The following STAU2 variants were observed in gnomAD, a reference collection of about 807,000 sequenced individuals.
The protein encoded by STAU2 is staufen double-stranded RNA binding protein 2.
In STAU2, 20 loss-of-function variants were observed where a neutral mutation model predicts 65.9. The observed-to-expected ratio is 0.30, with a 90% CI of 0.21 to 0.44. The LOEUF is 0.44. Among genes scored for constraint, STAU2 ranks in the 20% least tolerant of loss-of-function variants. STAU2 has a pLI of 1.00. For synonymous variants in STAU2, 232 were observed against 233.9 expected (o/e 0.99, Z 0.07); for missense variants, 558 against 683.9 (o/e 0.82, Z 2.05).
intron 13 of STAU2, among the ~76,000 whole-genome samples, chr8:73,436,464 T>A (rs963710027): frequency 1.3e-5 from 2 of 151,816 alleles, no homozygotes; most frequent in African/African-American, 4.9e-5. Flanking sequence ...ATTTTTCAGC[T>A]TTTAAAAATA....
chr8:73,505,099 C>G (rs1821987907), intron 13 of STAU2, among the ~76,000 whole-genome samples: 1 of 152,086 alleles, frequency 6.6e-6, no homozygotes, highest in Non-Finnish European at 1.5e-5. Context: ...ACCAAATCAT[C>G]TCTGGAAGAC....
intron 13 of STAU2, among the ~76,000 whole-genome samples, chr8:73,534,452 T>C (rs909269824): frequency 1.3e-5 from 2 of 152,218 alleles, no homozygotes; most frequent in South Asian, 2.1e-4. Flanking sequence ...CTTGATGACA[T>C]GTAAATTATT....
At chr8:73,708,789 A>C (rs1196890861) in intron 4 of STAU2, among the ~76,000 whole-genome samples, 1 of 152,194 alleles carries the variant, frequency 6.6e-6, no homozygotes, top group Non-Finnish European at 1.5e-5. Flanking sequence ...GAAATCAAAA[A>C]TCCATATATC....
chr8:73,553,422 T>C (rs1807483743), intron 12 of STAU2, among the ~76,000 whole-genome samples: 2 of 152,194 alleles, frequency 1.3e-5, no homozygotes, highest in South Asian at 2.1e-4. Flanking sequence ...CCAAATAAAA[T>C]GGTTCCATAA....
chr8:73,675,086 TCAA>T (rs914077514), intron 5 of STAU2, among the ~76,000 whole-genome samples: 5 of 151,476 alleles, frequency 3.3e-5, no homozygotes, highest in African/African-American at 1.2e-4. Context: ...CAAAATTATA[TCAA>T]CTACTCTCTC....
chr8:73,651,812 G>A (rs894298078), intron 6 of STAU2, among the ~76,000 whole-genome samples: 5 of 152,250 alleles, frequency 3.3e-5, no homozygotes, highest in African/African-American at 1.2e-4. Flanking sequence ...TCTGACTCCA[G>A]GCCTCCCATA....
chr8:73,521,304 A>C (rs1042453325), intron 13 of STAU2, among the ~76,000 whole-genome samples: 2 of 152,190 alleles, frequency 1.3e-5, no homozygotes, highest in African/African-American at 4.8e-5. Flanking sequence ...TCCTAGTCAA[A>C]GCATACACAT....
intron 13 of STAU2, among the ~76,000 whole-genome samples, chr8:73,470,138 C>T (rs1819907743): frequency 6.6e-6 from 1 of 152,090 alleles, no homozygotes; most frequent in Non-Finnish European, 1.5e-5. Context: ...CTAGTGAATT[C>T]GCATTTGTTT....
intron 12 of STAU2, among the ~76,000 whole-genome samples, chr8:73,559,649 G>C (rs1455158075): frequency 1.3e-4 from 20 of 152,296 alleles, no homozygotes; most frequent in African/African-American, 4.3e-4. Context: ...TGTCCCTGAA[G>C]GTCAGGGACA....
chr8:73,618,015 TA>T (rs1812963554), intron 6 of STAU2, among the ~76,000 whole-genome samples: 1 of 152,040 alleles, frequency 6.6e-6, no homozygotes, highest in Admixed American at 6.6e-5. Flanking sequence ...GAGGTGTGAC[TA>T]AAAAGCTGCA....
intron 13 of STAU2, among the ~76,000 whole-genome samples, chr8:73,454,928 G>C (rs1818981573): frequency 6.6e-6 from 1 of 151,554 alleles, no homozygotes; most frequent in South Asian, 2.1e-4. Flanking sequence ...TGTGGCTGTG[G>C]AGAGGTCGAG....
In STAU2 at chr8:73,421,341, A is replaced by T. The variant is rs949156255; in HGVS notation, c.*31T>A. On this transcript the variant is annotated 3_prime_UTR_variant, in exon 15 of 15. Coordinates refer to ENST00000524300, the MANE Select transcript of STAU2 (RefSeq NM_001164380.2). ...CATGCGTGCTGACAGGTTTATAAGG[A>T]TGCGGTGGCAGCCGCGGGTTCTGGG... 7.8e-6 allele frequency: 12 copies of T among 1,530,010 alleles called. No homozygotes were observed. Among genetic ancestry groups the T allele is most frequent in the African/African-American group, 1.4e-5 (1 of 72,890 alleles). 94.8% of individuals were successfully genotyped at this position (1,530,010 alleles called of 1,614,324 possible).
chr8:73,619,082 C>A (rs550672083), intron 6 of STAU2, among the ~76,000 whole-genome samples: 32 of 151,910 alleles, frequency 2.1e-4, no homozygotes, highest in Non-Finnish European at 3.8e-4. Context: ...GGAAAGAGGT[C>A]CAAGATAGAA....
intron 13 of STAU2, among the ~76,000 whole-genome samples, chr8:73,548,329 G>A (rs375562947): frequency 2.0e-4 from 31 of 151,438 alleles, no homozygotes; most frequent in Admixed American, 5.2e-4. Flanking sequence ...AGGTATAGGA[G>A]AGATAAGAAT....
chr8:73,621,473 A>G (rs912265283), intron 6 of STAU2, among the ~76,000 whole-genome samples: 10 of 152,338 alleles, frequency 6.6e-5, no homozygotes, highest in African/African-American at 2.2e-4. Context: ...AGTAGGTATA[A>G]TAAGTGATGT....
At chr8:73,663,835 A>T (rs1231875652) in intron 6 of STAU2, among the ~76,000 whole-genome samples, 2 of 152,144 alleles carry the variant, frequency 1.3e-5, no homozygotes, top group Non-Finnish European at 2.9e-5. Flanking sequence ...ACTGCTCATT[A>T]CTATTTACTA....
chr8:73,741,007 A>G (rs1237582478), intron 1 of STAU2, among the ~76,000 whole-genome samples: 1 of 127,574 alleles, frequency 7.8e-6, no homozygotes, highest in Non-Finnish European at 1.7e-5. Context: ...TTCATCTCAG[A>G]AAAAAAAAAA....
At chr8:73,706,309 G>T (rs1238559427) in intron 4 of STAU2, among the ~76,000 whole-genome samples, 1 of 151,902 alleles carries the variant, frequency 6.6e-6, no homozygotes, top group Non-Finnish European at 1.5e-5. Context: ...GTAGAGAAGG[G>T]TTTCACCATG....
At chr8:73,546,911 G>A (rs1161957438) in intron 13 of STAU2, among the ~76,000 whole-genome samples, 1 of 152,134 alleles carries the variant, frequency 6.6e-6, no homozygotes, top group African/African-American at 2.4e-5. Flanking sequence ...GAAATGTAAT[G>A]CATCTTTAGA....
Sources: allele counts gnomAD v4.1 joint callset (sites outside exome capture counted in the v4.1 genomes callset), GRCh38; gene constraint gnomAD v4.1.1; transcripts MANE v1.5; gene names NCBI Gene and HGNC (gene_info 2026-07-23, HGNC 2026-07-21).